Variants in FAF1 observed in about 807,000 individuals in gnomAD.
The protein encoded by FAF1 is Fas associated factor 1, also known as FAS-associated factor 1.
In FAF1, 25 loss-of-function variants were observed where a neutral mutation model predicts 92.5. The observed-to-expected ratio is 0.27, with a 90% CI of 0.20 to 0.38. The LOEUF is 0.38. Ranked by LOEUF, FAF1 falls within the 10% of genes least tolerant of loss-of-function variation. FAF1 has a pLI of 1.00. For missense variants in FAF1, 636 were observed against 793.3 expected (o/e 0.80, Z 2.38); for synonymous variants, 234 against 273.2 (o/e 0.86, Z 1.42).
At chr1:50,718,473 G>A (rs1324267844) in intron 6 of FAF1, among the ~76,000 whole-genome samples, 2 of 152,188 alleles carry the variant, frequency 1.3e-5, no homozygotes, top group African/African-American at 4.8e-5. Flanking sequence ...CAGTTAAGAC[G>A]AATATAAAGT....
chr1:50,865,583 C>A (rs1644473821), intron 1 of FAF1, among the ~76,000 whole-genome samples: 1 of 135,726 alleles, frequency 7.4e-6, no homozygotes, highest in African/African-American at 2.8e-5. Flanking sequence ...TAAACTATTG[C>A]AAGAACAAAA....
intron 13 of FAF1, among the ~76,000 whole-genome samples, chr1:50,561,271 G>A (rs997930033): frequency 2.0e-4 from 31 of 152,238 alleles, no homozygotes; most frequent in African/African-American, 6.3e-4. Context: ...GCATATGAGC[G>A]TACACCATGA....
intron 1 of FAF1, among the ~76,000 whole-genome samples, chr1:50,955,726 AG>A (rs1645261290): frequency 6.6e-6 from 1 of 152,262 alleles, no homozygotes; most frequent in African/African-American, 2.4e-5. Flanking sequence ...CCTACAAGGT[AG>A]AAACAACCTA....
chr1:50,724,238 A>G (rs1173456211), intron 6 of FAF1, among the ~76,000 whole-genome samples: 1 of 38,052 alleles, frequency 2.6e-5, no homozygotes, highest in African/African-American at 2.7e-4. Context: ...ACTGTCTTTC[A>G]AAAAAAAAAA....
At chr1:50,605,416 G>C (rs929363372) in intron 8 of FAF1, among the ~76,000 whole-genome samples, 1 of 152,132 alleles carries the variant, frequency 6.6e-6, no homozygotes, top group Non-Finnish European at 1.5e-5. Flanking sequence ...TAATGGCATA[G>C]TCCCTCATAC....
chr1:50,708,108 C>T (rs1657765983), intron 6 of FAF1, among the ~76,000 whole-genome samples: 1 of 152,092 alleles, frequency 6.6e-6, no homozygotes, highest in Non-Finnish European at 1.5e-5. Flanking sequence ...GCGCCCGGCC[C>T]GCCCCTGGAA....
chr1:50,771,639 A>G lies in FAF1; in HGVS notation c.367+16361T>C, dbSNP rs145151337. Among the ~76,000 whole-genome samples, 1,507 of 152,270 alleles carry G rather than the reference A, an allele frequency of 9.9e-3. 22 individuals are homozygous for G. The highest frequency in any genetic ancestry group is 0.034 in the African/African-American group (1,429 of 41,556). On this transcript the variant is annotated intron_variant, in intron 4 of 18. Transcript: ENST00000396153. ...TAATGGGCCCAGCACACTGGCTCAC[A>G]CCTGTAATCCCAGCACTTTGGGAGG...
At chr1:50,637,910 T>C (rs887408276) in intron 8 of FAF1, among the ~76,000 whole-genome samples, 8 of 149,306 alleles carry the variant, frequency 5.4e-5, no homozygotes, top group Non-Finnish European at 1.2e-4. Flanking sequence ...TAAGATAAAT[T>C]TGTGTATATA....
chr1:50,845,683 T>C (rs1644292954), intron 2 of FAF1, among the ~76,000 whole-genome samples: 1 of 152,090 alleles, frequency 6.6e-6, no homozygotes, highest in Non-Finnish European at 1.5e-5. Flanking sequence ...TTCTATTCAG[T>C]AGGCTGAACT....
intron 2 of FAF1, among the ~76,000 whole-genome samples, chr1:50,808,673 A>G (rs969829569): frequency 6.6e-6 from 1 of 151,744 alleles, no homozygotes; most frequent in South Asian, 2.1e-4. Context: ...AAAAAAAAAA[A>G]CTTTTCTCCC....
intron 1 of FAF1, among the ~76,000 whole-genome samples, chr1:50,915,112 T>C (rs1644910382): frequency 6.6e-6 from 1 of 152,228 alleles, no homozygotes; most frequent in Non-Finnish European, 1.5e-5. Flanking sequence ...GGCTCATGCC[T>C]GTAATCCTAG....
In FAF1 at chr1:50,926,121, G is replaced by T. The variant is rs114269807; in HGVS notation, c.45+33646C>A. On this transcript the variant is annotated intron_variant, in intron 1 of 18. Coordinates refer to ENST00000396153, the MANE Select transcript of FAF1 (RefSeq NM_007051.3). ...AATCCCAGTTACTCGGGAGACTGAGGGGGGAGGATCGCTTAAGCCCCAGAG... is the reference window on the plus strand; with the variant it reads ...AATCCCAGTTACTCGGGAGACTGAGTGGGGAGGATCGCTTAAGCCCCAGAG... Among the ~76,000 whole-genome samples, 7 of 152,248 alleles carry T rather than the reference G, an allele frequency of 4.6e-5. No individual in the cohort carries two copies. In the East Asian group the frequency reaches 7.7e-4, roughly 17 times the overall value.
intron 15 of FAF1, among the ~76,000 whole-genome samples, chr1:50,497,650 A>G (rs1646916977): frequency 6.8e-6 from 1 of 146,762 alleles, no homozygotes; most frequent in South Asian, 2.2e-4. Flanking sequence ...CCCAGGTTTA[A>G]GCAATTCTCT....
chr1:50,745,025 T>C (rs1425201905), intron 4 of FAF1, among the ~76,000 whole-genome samples: 1 of 152,178 alleles, frequency 6.6e-6, no homozygotes, highest in Non-Finnish European at 1.5e-5. Flanking sequence ...TGGTTGCTCA[T>C]GCCTGTAATC....
intron 7 of FAF1, among the ~76,000 whole-genome samples, chr1:50,699,762 A>G (rs1657386730): frequency 6.6e-6 from 1 of 152,152 alleles, no homozygotes; most frequent in Admixed American, 6.6e-5. Context: ...TTTGAATTTT[A>G]AACTGTCAGG....
At chr1:50,622,741 G>A (rs1228603288) in intron 8 of FAF1, among the ~76,000 whole-genome samples, 3 of 152,144 alleles carry the variant, frequency 2.0e-5, no homozygotes, top group East Asian at 3.9e-4. Flanking sequence ...AGTATTTATT[G>A]GACACCTACT....
At chr1:50,804,186 T>C (rs1322197111) in intron 2 of FAF1, among the ~76,000 whole-genome samples, 2 of 152,190 alleles carry the variant, frequency 1.3e-5, no homozygotes, top group African/African-American at 4.8e-5. Context: ...GCCTTCTACG[T>C]AGGACCAAGT....
chr1:50,740,425 C>A (rs1399417430), intron 5 of FAF1, among the ~76,000 whole-genome samples: 1 of 152,070 alleles, frequency 6.6e-6, no homozygotes, highest in Non-Finnish European at 1.5e-5. Context: ...ATTCTTAACC[C>A]CTCCATGAGA....
rs1651060973 is a variant in FAF1, at chr1:50,583,015, C to T, written c.1032-316G>A. 6.6e-6 allele frequency among the ~76,000 whole-genome samples: 1 copy of T among 151,982 alleles called. No homozygotes were observed. The highest frequency in any genetic ancestry group is 1.5e-5 in the Non-Finnish European group (1 of 67,922). Reference sequence around the variant, plus strand: ...ATATGATTTTACTAGTTACATTAGCCTTATTTTCCCACTTCAGTTCATTTA... The same window carrying T: ...ATATGATTTTACTAGTTACATTAGCTTTATTTTCCCACTTCAGTTCATTTA... On this transcript the variant is annotated intron_variant, in intron 11 of 18. Coordinates refer to ENST00000396153, the MANE Select transcript of FAF1 (RefSeq NM_007051.3). The surrounding 1 kb of genome is among the most constrained non-coding windows in gnomAD (Gnocchi z 4.2).
Sources: gnomAD v4.1 joint callset for allele counts (sites outside exome capture counted in the v4.1 genomes callset) on GRCh38, gnomAD v4.1.1 for gene constraint, Gnocchi (gnomAD v3.1) non-coding constraint, MANE v1.5 for transcripts, NCBI Gene and HGNC (gene_info 2026-07-23, HGNC 2026-07-21) for gene names.